Variants in TBC1D19 observed in about 807,000 individuals in gnomAD.
TBC1D19 encodes the protein TBC1 domain family, member 19.
TBC1D19 carries 60 observed loss-of-function variants against 89.0 expected under a neutral mutation model. That is an observed-to-expected ratio of 0.67 (90% CI 0.55 to 0.84). The LOEUF is 0.84. Among genes scored for constraint, TBC1D19 ranks in the 40% least tolerant of loss-of-function variants. The pLI is 0.00. For synonymous variants in TBC1D19, 189 were observed against 199.7 expected (o/e 0.95, Z 0.45); for missense variants, 500 against 610.8 (o/e 0.82, Z 1.91).
intron 8 of TBC1D19, 26 bp from the exon 9 acceptor site, chr4:26,666,307 T>C (rs762549722): frequency 6.3e-7 from 1 of 1,588,934 alleles, no homozygotes; most frequent in South Asian, 1.1e-5. Context: ...GAGATCTATG[T>C]TAATTCTACG....
At chr4:26,710,846 C>A (rs1228908283) in intron 13 of TBC1D19, among the ~76,000 whole-genome samples, 1 of 152,144 alleles carries the variant, frequency 6.6e-6, no homozygotes, top group Non-Finnish European at 1.5e-5. Context: ...AGTGTCTGTT[C>A]ATATCCTTCG....
At chr4:26,642,098 G>A (rs1431616321) in intron 7 of TBC1D19, among the ~76,000 whole-genome samples, 2 of 152,070 alleles carry the variant, frequency 1.3e-5, no homozygotes, top group East Asian at 1.9e-4. Context: ...GACACTCCTC[G>A]AGAAGAGCAA....
chr4:26,705,483 T>A (rs530096517), intron 13 of TBC1D19, among the ~76,000 whole-genome samples: 1 of 152,340 alleles, frequency 6.6e-6, no homozygotes, highest in East Asian at 1.9e-4. Context: ...AGGCCCAGCT[T>A]CATTCTTTTG....
chr4:26,680,735 T>C (rs1034851091), intron 11 of TBC1D19, among the ~76,000 whole-genome samples: 21 of 152,212 alleles, frequency 1.4e-4, no homozygotes, highest in African/African-American at 5.1e-4. Flanking sequence ...CCTACAGTAT[T>C]GATACCAGTG....
chr4:26,583,751 C>G (rs898097678), upstream of TBC1D19, among the ~76,000 whole-genome samples: 1 of 152,200 alleles, frequency 6.6e-6, no homozygotes, highest in Admixed American at 6.5e-5. Context: ...CAGAGCCTAA[C>G]AATTCGTGGT....
the TBC1D19 span, among the ~76,000 whole-genome samples, chr4:26,791,041 T>A: frequency 1.3e-5 from 2 of 152,112 alleles, no homozygotes; most frequent in Non-Finnish European, 2.9e-5. Flanking sequence ...TACAGTGACC[T>A]CCTACTGGTC....
chr4:26,712,089 A>G (rs969152732), intron 13 of TBC1D19, among the ~76,000 whole-genome samples: 3 of 152,118 alleles, frequency 2.0e-5, no homozygotes, highest in Non-Finnish European at 2.9e-5. Flanking sequence ...AGGGAAAGTT[A>G]ATACAAATGT....
At chr4:26,620,378 A>T (rs970697927) in intron 3 of TBC1D19, among the ~76,000 whole-genome samples, 1 of 152,234 alleles carries the variant, frequency 6.6e-6, no homozygotes, top group East Asian at 1.9e-4. Flanking sequence ...CTTCACGAGA[A>T]TGTTACGTCC....
chr4:26,848,879 C>T, the TBC1D19 span, among the ~76,000 whole-genome samples: 8 of 152,090 alleles, frequency 5.3e-5, no homozygotes, highest in African/African-American at 1.9e-4. Flanking sequence ...AGGTGCTTTC[C>T]AAGTGGTTCA....
At chr4:26,659,265 C>T (rs1409446334) in intron 7 of TBC1D19, among the ~76,000 whole-genome samples, 16 of 151,920 alleles carry the variant, frequency 1.1e-4, no homozygotes. Context: ...TTTTTCTTAT[C>T]ACCTTCTCTG....
At chr4:26,616,691 C>T (rs142418457) in intron 3 of TBC1D19, among the ~76,000 whole-genome samples, 364 of 152,174 alleles carry the variant, frequency 2.4e-3, no homozygotes, top group Non-Finnish European at 4.0e-3. Flanking sequence ...TTTTAGTAAG[C>T]ATTACAAAGA....
intron 12 of TBC1D19, among the ~76,000 whole-genome samples, chr4:26,686,699 C>T (rs1270440482): frequency 6.6e-6 from 1 of 152,048 alleles, no homozygotes; most frequent in Non-Finnish European, 1.5e-5. Flanking sequence ...AATAGTATCC[C>T]CCTGTTGAGA....
At chr4:26,817,877 A>C in the TBC1D19 span, among the ~76,000 whole-genome samples, 1 of 151,662 alleles carries the variant, frequency 6.6e-6, no homozygotes, top group Admixed American at 6.6e-5. Flanking sequence ...CTGAGACAGG[A>C]GAATCTCTTG....
chr4:26,794,045 C>G, the TBC1D19 span, among the ~76,000 whole-genome samples: 1 of 152,036 alleles, frequency 6.6e-6, no homozygotes, highest in Admixed American at 6.6e-5. Flanking sequence ...GGTGGGATCA[C>G]GTAGACTGAG....
At chr4:26,646,526 G>C (rs913899961) in intron 7 of TBC1D19, among the ~76,000 whole-genome samples, 8 of 152,096 alleles carry the variant, frequency 5.3e-5, no homozygotes, top group Non-Finnish European at 1.2e-4. Flanking sequence ...TGTTTATTGC[G>C]GTACTATTCA....
intron 12 of TBC1D19, 90 bp downstream of exon 12, chr4:26,683,839 A>T: frequency 9.6e-7 from 1 of 1,044,012 alleles, no homozygotes. Context: ...TATGTATGAT[A>T]TATATTAACC....
intron 11 of TBC1D19, among the ~76,000 whole-genome samples, chr4:26,677,948 C>T (rs751511041): frequency 1.2e-4 from 18 of 152,292 alleles, no homozygotes; most frequent in Non-Finnish European, 2.1e-4. Flanking sequence ...TTCTTCATAA[C>T]AGCATGAGAA....
At chr4:26,671,914 A>C (rs915884464) in intron 9 of TBC1D19, among the ~76,000 whole-genome samples, 3 of 151,872 alleles carry the variant, frequency 2.0e-5, no homozygotes, top group African/African-American at 4.8e-5. Flanking sequence ...GTTTTAACAA[A>C]GGGAAAATTC....
At chr4:26,808,295 G>T in the TBC1D19 span, among the ~76,000 whole-genome samples, 2 of 152,202 alleles carry the variant, frequency 1.3e-5, no homozygotes, top group Non-Finnish European at 2.9e-5. Flanking sequence ...CTGGCACGTA[G>T]TAGGCATCTA....
Sources: gnomAD v4.1 joint callset for allele counts (sites outside exome capture counted in the v4.1 genomes callset) on GRCh38, gnomAD v4.1.1 for gene constraint, MANE v1.5 for transcripts, NCBI Gene and HGNC (gene_info 2026-07-23, HGNC 2026-07-21) for gene names.